The following FBXL17 variants were observed in gnomAD, a reference collection of about 807,000 sequenced individuals.
FBXL17 encodes F-box and leucine rich repeat protein 17.
In FBXL17, 22 loss-of-function variants were observed where a neutral mutation model predicts 66.2. That is an observed-to-expected ratio of 0.33 (90% CI 0.24 to 0.47). The LOEUF is 0.47. Ranked by LOEUF, FBXL17 falls within the 20% of genes least tolerant of loss-of-function variation. FBXL17 has a pLI of 1.00. For synonymous variants in FBXL17, 474 were observed against 400.5 expected, an observed-to-expected ratio of 1.18 and a Z score of -2.19; for missense variants, 878 against 948.2, an observed-to-expected ratio of 0.93 and a Z score of 0.97.
chr5:107,921,893 A>G (rs1750334351), intron 7 of FBXL17, among the ~76,000 whole-genome samples: 2 of 152,222 alleles, frequency 1.3e-5, no homozygotes, highest in African/African-American at 4.8e-5. Context: ...TTCTCTGCGC[A>G]CATGGGTGGG....
At chr5:108,013,692 C>T (rs1482661107) in intron 7 of FBXL17, among the ~76,000 whole-genome samples, 1 of 151,044 alleles carries the variant, frequency 6.6e-6, no homozygotes, top group Non-Finnish European at 1.5e-5. Flanking sequence ...ACAGAGTAAA[C>T]ATTTGCTGAA....
chr5:108,187,764 C>T (rs1224260626), intron 5 of FBXL17, among the ~76,000 whole-genome samples: 2 of 152,338 alleles, frequency 1.3e-5, no homozygotes, highest in South Asian at 2.1e-4. Flanking sequence ...CACAATCCAG[C>T]TGACACCTTG....
intron 6 of FBXL17, among the ~76,000 whole-genome samples, chr5:108,090,614 C>A (rs1269050891): frequency 1.3e-5 from 2 of 152,094 alleles, no homozygotes; most frequent in Non-Finnish European, 2.9e-5. Context: ...GGGTGTGTTC[C>A]AATAAAATTT....
chr5:108,013,528 C>A (rs916939764), intron 7 of FBXL17, among the ~76,000 whole-genome samples: 5 of 152,162 alleles, frequency 3.3e-5, no homozygotes, highest in Non-Finnish European at 5.9e-5. Flanking sequence ...AATCCTTCCC[C>A]AAATATTGCA....
At chr5:108,154,972 A>G (rs556021203) in intron 6 of FBXL17, among the ~76,000 whole-genome samples, 6 of 152,194 alleles carry the variant, frequency 3.9e-5, no homozygotes, top group East Asian at 1.9e-4. Context: ...CAGACTTAAT[A>G]AGAAAAAATA....
intron 4 of FBXL17, among the ~76,000 whole-genome samples, chr5:108,246,200 G>A (rs1756088800): frequency 6.6e-6 from 1 of 152,088 alleles, no homozygotes; most frequent in Non-Finnish European, 1.5e-5. Context: ...ATACACATTA[G>A]AAACTGTCAA....
intron 5 of FBXL17, among the ~76,000 whole-genome samples, chr5:108,192,848 T>G (rs1753524128): frequency 6.6e-6 from 1 of 152,036 alleles, no homozygotes; most frequent in Admixed American, 6.6e-5. Flanking sequence ...TTCCAAATTT[T>G]CTTAAGACCC....
intron 7 of FBXL17, among the ~76,000 whole-genome samples, chr5:107,887,462 T>C (rs1450148442): frequency 6.6e-6 from 1 of 152,166 alleles, no homozygotes; most frequent in Admixed American, 6.5e-5. Flanking sequence ...GTACCTGTAA[T>C]AAAATCAGAA....
intron 6 of FBXL17, among the ~76,000 whole-genome samples, chr5:108,153,764 A>G (rs1380301706): frequency 6.6e-6 from 1 of 152,162 alleles, no homozygotes; most frequent in Non-Finnish European, 1.5e-5. Flanking sequence ...CACAGGGTTC[A>G]ATCCATGAGA....
At chr5:108,246,856 C>G (rs575603861) in intron 4 of FBXL17, among the ~76,000 whole-genome samples, 2 of 152,154 alleles carry the variant, frequency 1.3e-5, no homozygotes, top group African/African-American at 4.8e-5. Context: ...TCAAGAAAAG[C>G]ATATATTTGC....
intron 6 of FBXL17, among the ~76,000 whole-genome samples, chr5:108,073,588 G>A (rs1192356220): frequency 3.3e-5 from 5 of 152,060 alleles, no homozygotes; most frequent in Non-Finnish European, 7.4e-5. Context: ...TGCTCTATCT[G>A]GAAGGCTCAT....
intron 7 of FBXL17, among the ~76,000 whole-genome samples, chr5:107,935,210 A>G (rs1750860273): frequency 2.0e-5 from 3 of 152,126 alleles, no homozygotes; most frequent in African/African-American, 7.2e-5. Context: ...GCAGCCTTCA[A>G]GAATCAAGGA....
intron 6 of FBXL17, among the ~76,000 whole-genome samples, chr5:108,085,610 T>TG (rs1283625743): frequency 6.6e-6 from 1 of 152,086 alleles, no homozygotes; most frequent in East Asian, 1.9e-4. Context: ...CCTCAGTGTA[T>TG]GGTACCTTGG....
intron 7 of FBXL17, among the ~76,000 whole-genome samples, chr5:107,965,305 C>T (rs1752080622): frequency 6.6e-6 from 1 of 152,060 alleles, no homozygotes; most frequent in African/African-American, 2.4e-5. Context: ...AGAGGTTTAA[C>T]AACGCTTGTA....
At chr5:108,186,885 C>T (rs1216776550) in intron 5 of FBXL17, among the ~76,000 whole-genome samples, 1 of 151,966 alleles carries the variant, frequency 6.6e-6, no homozygotes, top group Non-Finnish European at 1.5e-5. Flanking sequence ...TAAGTACCTA[C>T]AATTTGAGAA....
At chr5:107,905,455 T>C (rs558673185) in intron 7 of FBXL17, among the ~76,000 whole-genome samples, 2 of 152,286 alleles carry the variant, frequency 1.3e-5, no homozygotes, top group East Asian at 3.9e-4. Context: ...TAAGCAAGAA[T>C]AACCTTAAAA....
At chr5:108,324,000 G>C (rs1759739427) in intron 4 of FBXL17, among the ~76,000 whole-genome samples, 1 of 151,892 alleles carries the variant, frequency 6.6e-6, no homozygotes, top group Non-Finnish European at 1.5e-5. Context: ...GGAAAGGTAG[G>C]ATAAAAGCTT....
At chr5:108,100,190 T>C (rs1749546839) in intron 6 of FBXL17, among the ~76,000 whole-genome samples, 2 of 152,188 alleles carry the variant, frequency 1.3e-5, no homozygotes, top group African/African-American at 4.8e-5. Context: ...AGCATACAAA[T>C]TTTTAAAGAT....
chr5:107,990,559 T>C (rs897877811), intron 7 of FBXL17, among the ~76,000 whole-genome samples: 1 of 152,108 alleles, frequency 6.6e-6, no homozygotes, highest in Non-Finnish European at 1.5e-5. Context: ...ATCTGTAAAA[T>C]GGAAATAATA....
Sources: gnomAD v4.1 joint callset for allele counts (sites outside exome capture counted in the v4.1 genomes callset) on GRCh38, gnomAD v4.1.1 for gene constraint, MANE v1.5 for transcripts, NCBI Gene and HGNC (gene_info 2026-07-23, HGNC 2026-07-21) for gene names.